The following FUZ variants were observed in gnomAD, a reference collection of about 807,000 sequenced individuals.
FUZ encodes fuzzy planar cell polarity protein.
A neutral mutation model predicts 43.1 loss-of-function variants in FUZ; 31 were observed. That is an observed-to-expected ratio of 0.72 (90% CI 0.54 to 0.97). FUZ has a LOEUF of 0.97. Among genes scored for constraint, FUZ ranks in the 50% least tolerant of loss-of-function variants. FUZ has a pLI of 0.00. For synonymous variants in FUZ, 274 were observed against 250.0 expected (o/e 1.10, Z -0.91); for missense variants, 539 against 543.8 (o/e 0.99, Z 0.09).
chr19:49,808,480 G>C lies in FUZ; in HGVS notation c.967C>G (p.Pro323Ala). 1 of 1,611,920 alleles carries C rather than the reference G, an allele frequency of 6.2e-7. No homozygotes were observed. Among genetic ancestry groups the C allele is most frequent in the Non-Finnish European group, 8.5e-7 (1 of 1,179,374 alleles). Residue 323 changes from proline to alanine, a missense_variant, in exon 10 of 11, where the codon CCA becomes GCA. By Grantham distance (27) the Pro-to-Ala change is conservative. Transcript: ENST00000313777. Reference sequence around the variant, plus strand: ...CGGAGGAGGCGCCGGCGCTGTTCTGGTGAAGGCTCTGCTGGGAGGAAAAGG... The same window carrying C: ...CGGAGGAGGCGCCGGCGCTGTTCTGCTGAAGGCTCTGCTGGGAGGAAAAGG... ...VEPLGDKEPSPEQRRRLLRNF... is the reference protein window; with the variant it reads ...VEPLGDKEPSAEQRRRLLRNF...
In FUZ at chr19:49,812,653, G is replaced by A; in HGVS notation, c.195C>T (p.Thr65=). 1.2e-6 allele frequency: 2 copies of A among 1,614,056 alleles called. No homozygotes were observed. The highest frequency in any genetic ancestry group is 8.5e-7 in the Non-Finnish European group (1 of 1,179,998). ...TTTTCCACACCACAGTCGTGTTCTCGGTCCTCGCAGAGCTCAGCTGCACCT... is the reference window on the plus strand; with the variant it reads ...TTTTCCACACCACAGTCGTGTTCTCAGTCCTCGCAGAGCTCAGCTGCACCT... ...NLEVQLSSAR[T]ENTTVVWKSF... Residue 65 remains threonine (T), a synonymous_variant, in exon 2 of 11, where the codon ACC becomes ACT. Transcript: ENST00000313777.
Position 49,813,191 on chromosome 19 carries a change from G to T in FUZ, c.-85C>A. The T allele has an allele frequency of 8.0e-7, 1 of 1,245,724 alleles. No individual in the cohort carries two copies. The highest frequency in any genetic ancestry group is 1.1e-6 in the Non-Finnish European group (1 of 869,698). The allele number at this position is 1,245,724 out of a possible 1,614,324, so 77.2% of individuals were successfully genotyped here. On this transcript the variant is annotated 5_prime_UTR_variant, in exon 1 of 11. Transcript: ENST00000313777. ...CGGTAATCAGAGTAACTCGGCCTGTGGTCCGGAGCCGCCAGAGGGCGAGAT... is the reference window on the plus strand; with the variant it reads ...CGGTAATCAGAGTAACTCGGCCTGTTGTCCGGAGCCGCCAGAGGGCGAGAT...
chr19:49,812,476 C>G (rs1316390061), intron 2 of FUZ, 139 bp downstream of exon 2: 44 of 1,367,554 alleles, frequency 3.2e-5, no homozygotes, highest in Non-Finnish European at 1.0e-6. Flanking sequence ...CATCAGGGAT[C>G]AAAGAGGGTA....
intron 10 of FUZ, chr19:49,808,131 A>T (rs2073500970): frequency 6.6e-6 from 3 of 456,052 alleles, no homozygotes; most frequent in East Asian, 9.0e-5. Flanking sequence ...GGATGAAGTG[A>T]TTTCATTCTT....
In FUZ at chr19:49,807,463, G is replaced by A. The variant is rs112714381; in HGVS notation, c.1034-89C>T. ...CATCCTGATCCCAAGTTCTGAACGC[G>A]TGGGGTCTCTGAACACAGGTTTTGG... On this transcript the variant is annotated intron_variant, in intron 10 of 10. Coordinates refer to ENST00000313777, the MANE Select transcript of FUZ (RefSeq NM_025129.5). The A allele has an allele frequency of 9.9e-4, 1,335 of 1,341,712 alleles. 12 individuals carry two copies. The African/African-American group carries it at 0.017, about 17-fold the overall frequency. The allele number at this position is 1,341,712 out of a possible 1,614,324, so 83.1% of individuals were successfully genotyped here.
intron 7 of FUZ, 163 bp from the exon 8 acceptor site, chr19:49,808,986 GGAA>G (rs1421579110): frequency 1.1e-6 from 1 of 870,110 alleles, no homozygotes; most frequent in African/African-American, 1.7e-5. Flanking sequence ...GGCGAGGCCT[GGAA>G]GAATAGAGGC....
intron 7 of FUZ, 30 bp from the exon 8 acceptor site, chr19:49,808,853 T>C: frequency 2.0e-6 from 3 of 1,520,322 alleles, no homozygotes; most frequent in Non-Finnish European, 2.7e-6. Context: ...TGTGAGGTCG[T>C]CATGGGAAGG....
intron 3 of FUZ, among the ~76,000 whole-genome samples, 157 bp from the exon 4 acceptor site, chr19:49,811,856 C>T (rs911578553): frequency 6.6e-6 from 1 of 152,068 alleles, no homozygotes; most frequent in Non-Finnish European, 1.5e-5. Flanking sequence ...GCCTGTAATT[C>T]CAGCACTTTG....
At chr19:49,811,829 C>T (rs1022423797) in intron 3 of FUZ, 130 bp from the exon 4 acceptor site, 68 of 839,272 alleles carry the variant, frequency 8.1e-5, no homozygotes, top group Admixed American at 4.0e-4. Context: ...GGGTTCTGGC[C>T]GGGCGCGGAG....
chr19:49,811,207 A>G (rs2073768469), intron 5 of FUZ, 156 bp downstream of exon 5: 2 of 691,632 alleles, frequency 2.9e-6, no homozygotes, highest in Non-Finnish European at 5.2e-6. Context: ...AAAAGAAAAA[A>G]AAAAAAGAAA....
upstream of FUZ, chr19:49,813,332 G>A (rs970823306): frequency 3.0e-5 from 19 of 635,938 alleles, no homozygotes; most frequent in African/African-American, 3.1e-4. Flanking sequence ...CGCCCTAGCC[G>A]GAAGTCACGG....
Position 49,809,966 on chromosome 19 carries a change from G to A in FUZ, c.493-391C>T. On this transcript the variant is annotated intron_variant, in intron 5 of 10. Transcript: ENST00000313777. The surrounding 1 kb of genome is among the most constrained non-coding windows in gnomAD (Gnocchi z 5.1). ...CACACCAGGCAAGTCCACAAGAGCAGTATTTAAGTAGAGGTAGCTAGAGAT... is the reference window on the plus strand; with the variant it reads ...CACACCAGGCAAGTCCACAAGAGCAATATTTAAGTAGAGGTAGCTAGAGAT... 1 of 356,318 alleles carries A rather than the reference G, an allele frequency of 2.8e-6. No homozygotes were observed. The highest frequency in any genetic ancestry group is 5.3e-6 in the Non-Finnish European group (1 of 187,132). The allele number at this position is 356,318 out of a possible 1,614,324, so 22.1% of individuals were successfully genotyped here. A position where few individuals can be genotyped will look rare whatever the true frequency, so the allele number is the denominator to read the frequency against.
Position 49,808,502 on chromosome 19 carries a change from A to C in FUZ, c.959-14T>G. On this transcript the variant is annotated splice_polypyrimidine_tract_variant and intron_variant, in intron 9 of 10. Transcript: ENST00000313777. ...CTGGTGAAGGCTCTGCTGGGAGGAA[A>C]AGGCGGTGATGCAGAGCGCCTCCCC... is the stretch of plus-strand genomic sequence containing the variant. 3 of 1,609,568 alleles carry C rather than the reference A, an allele frequency of 1.9e-6. No homozygotes were observed. The highest frequency in any genetic ancestry group is 1.7e-6 in the Non-Finnish European group (2 of 1,178,328).
chr19:49,809,569 G>C lies in FUZ; in HGVS notation c.499C>G (p.Leu167Val), dbSNP rs757498142. The C allele has an allele frequency of 2.5e-6, 4 of 1,594,888 alleles. No homozygotes were observed. Among genetic ancestry groups the C allele is most frequent in the African/African-American group, 1.3e-5 (1 of 74,900 alleles). Residue 167 changes from leucine (L) to valine (V), a missense_variant, in exon 6 of 11, where the codon CTC (leucine) becomes GTC (valine). Coordinates refer to ENST00000313777, the MANE Select transcript of FUZ (RefSeq NM_025129.5). This position sits in a 1 kb window ranked among gnomAD's most constrained non-coding sequence, Gnocchi z 5.1. Reference protein sequence around the residue: ...PPEGSLLQEALSGFAEAAGTT... With the variant: ...PPEGSLLQEAVSGFAEAAGTT... The stretch of plus-strand genomic sequence containing the variant: ...CCCGCGGCCTCAGCGAACCCGGAGA[G>C]GGCTTCCTGGGTACGGGAGGCAGGA...
Position 49,809,583 on chromosome 19 carries a change from C to A in FUZ, c.493-8G>T. The A allele has an allele frequency of 1.3e-6, 2 of 1,586,780 alleles. No individual in the cohort carries two copies. Among genetic ancestry groups the A allele is most frequent in the South Asian group, 1.1e-5 (1 of 88,070 alleles). Reference sequence around the variant, plus strand: ...GAACCCGGAGAGGGCTTCCTGGGTACGGGAGGCAGGAGGACTGGGAGTCAG... The same window carrying A: ...GAACCCGGAGAGGGCTTCCTGGGTAAGGGAGGCAGGAGGACTGGGAGTCAG... On this transcript the variant is annotated splice_polypyrimidine_tract_variant and splice_region_variant and intron_variant, in intron 5 of 10. Coordinates refer to ENST00000313777, the MANE Select transcript of FUZ (RefSeq NM_025129.5). The surrounding 1 kb of genome is among the most constrained non-coding windows in gnomAD (Gnocchi z 5.1).
In FUZ at chr19:49,811,602, C is replaced by T. The variant is rs191877536; in HGVS notation, c.387+29G>A. On this transcript the variant is annotated intron_variant, in intron 4 of 10. Coordinates refer to ENST00000313777, the MANE Select transcript of FUZ (RefSeq NM_025129.5). The stretch of plus-strand genomic sequence containing the variant: ...AAATGGCAGTGCCCAGGTATCCTAA[C>T]TTCCCACCCTCATGTCCTGCAACCT... The T allele has an allele frequency of 9.0e-4, 1,453 of 1,611,578 alleles. 2 individuals are homozygous for T. Among genetic ancestry groups the T allele is most frequent in the Non-Finnish European group, 1.0e-3 (1,225 of 1,177,624 alleles).
chr19:49,808,704 A>C lies in FUZ; in HGVS notation c.893+13T>G. On this transcript the variant is annotated intron_variant, in intron 8 of 10. Transcript: ENST00000313777. ...ACATGACCCCCGACCCACTCCCTCCATCCGAGCCCTACCCGAGGATGTCTG... is the reference window on the plus strand; with the variant it reads ...ACATGACCCCCGACCCACTCCCTCCCTCCGAGCCCTACCCGAGGATGTCTG... The C allele has an allele frequency of 6.3e-7, 1 of 1,598,752 alleles. No individual in the cohort carries two copies.
intron 5 of FUZ, 62 bp downstream of exon 5, chr19:49,811,301 G>A: frequency 1.7e-6 from 2 of 1,147,440 alleles, no homozygotes; most frequent in East Asian, 2.5e-5. Flanking sequence ...AGAAGAAAGA[G>A]GATGAGGACT....
chr19:49,808,120 A>G (rs1473412437), intron 10 of FUZ: 1 of 482,854 alleles, frequency 2.1e-6, no homozygotes, highest in East Asian at 4.1e-5. Context: ...CTCACCTGTG[A>G]GGATGAAGTG....
Sources: allele counts gnomAD v4.1 joint callset (sites outside exome capture counted in the v4.1 genomes callset), GRCh38; gene constraint gnomAD v4.1.1; non-coding constraint Gnocchi (gnomAD v3.1); transcripts MANE v1.5; gene names NCBI Gene and HGNC (gene_info 2026-07-23, HGNC 2026-07-21).